The following LRRC7 variants were observed in gnomAD, a reference collection of about 807,000 sequenced individuals.
LRRC7 encodes the protein leucine-rich repeat-containing protein 7.
In LRRC7, 23 loss-of-function variants were observed where a neutral mutation model predicts 175.7. The observed-to-expected ratio is 0.13, with a 90% CI of 0.09 to 0.19. The LOEUF (loss-of-function observed/expected upper bound fraction) is 0.19. Among genes scored for constraint, LRRC7 ranks in the 10% least tolerant of loss-of-function variants. LRRC7 has a pLI of 1.00. For missense variants in LRRC7, 1,354 were observed against 1,904.7 expected, an observed-to-expected ratio of 0.71 and a Z score of 5.38; for synonymous variants, 685 against 680.9, an observed-to-expected ratio of 1.01 and a Z score of -0.09.
At chr1:69,668,442 A>T (rs1055774098) in intron 1 of LRRC7, among the ~76,000 whole-genome samples, 2 of 152,086 alleles carry the variant, frequency 1.3e-5, no homozygotes, top group Non-Finnish European at 2.9e-5. Flanking sequence ...GATGGTTTCC[A>T]GTTTCATCCA....
chr1:69,850,245 G>T (rs1682827467), intron 7 of LRRC7, among the ~76,000 whole-genome samples: 1 of 152,062 alleles, frequency 6.6e-6, no homozygotes. Context: ...ACTTGTGATG[G>T]CAGCAAGCTT....
rs376407652 is a variant in LRRC7 at position 70,075,791 on chromosome 1, C to T, written c.4231-286C>T. 2.0e-5 allele frequency among the ~76,000 whole-genome samples: 3 copies of T among 152,220 alleles called. No individual in the cohort carries two copies. In the East Asian group the frequency reaches 5.8e-4, roughly 29 times the overall value. On this transcript the variant is annotated intron_variant, in intron 23 of 26. Transcript: ENST00000651989. ...TTTAAGTTGCGACTTAATTTTCTTC[C>T]TGAGATTTTTCAAACTGAATTTTCT...
chr1:69,993,395 C>CT (rs1654624894), intron 10 of LRRC7, among the ~76,000 whole-genome samples: 1 of 152,138 alleles, frequency 6.6e-6, no homozygotes, highest in African/African-American at 2.4e-5. Context: ...GCAGCCACAG[C>CT]TTTATTTCAG....
Position 69,609,493 on chromosome 1 carries a change from G to A in LRRC7, c.2+40852G>A, listed in dbSNP as rs370218706. Reference sequence around the variant, plus strand: ...AAAGAAAAAAATAAAAATGACCACCGTTTATCAGAAATGAATACTGATGAC... The same window carrying A: ...AAAGAAAAAAATAAAAATGACCACCATTTATCAGAAATGAATACTGATGAC... On this transcript the variant is annotated intron_variant, in intron 1 of 26. Transcript: ENST00000651989. 9.8e-4 allele frequency among the ~76,000 whole-genome samples: 149 copies of A among 151,946 alleles called. 4 individuals are homozygous for A. In the South Asian group the frequency reaches 0.027, roughly 27 times the overall value.
rs199900217 is a variant in LRRC7, at chr1:69,623,343, G to A, written c.2+54702G>A. On this transcript the variant is annotated intron_variant, in intron 1 of 26. Transcript: ENST00000651989. Reference sequence around the variant, plus strand: ...TAGTCCTCCATGACTTGGAAATGGAGTGATTATCTATTGGCACAGAGAAAT... The same window carrying A: ...TAGTCCTCCATGACTTGGAAATGGAATGATTATCTATTGGCACAGAGAAAT... 2.6e-5 allele frequency among the ~76,000 whole-genome samples: 4 copies of A among 151,978 alleles called. No homozygotes were observed. The East Asian group carries it at 7.7e-4, about 29-fold the overall frequency.
At chr1:69,909,441 CAGG>C (rs1381848425) in intron 7 of LRRC7, among the ~76,000 whole-genome samples, 1 of 152,120 alleles carries the variant, frequency 6.6e-6, no homozygotes, top group African/African-American at 2.4e-5. Flanking sequence ...GTGCTTCCTT[CAGG>C]AGGTCTTTTA....
chr1:70,089,024 T>C (rs1009070944), intron 24 of LRRC7, among the ~76,000 whole-genome samples: 10 of 152,108 alleles, frequency 6.6e-5, no homozygotes, highest in African/African-American at 2.4e-4. Context: ...CCATTCTCTT[T>C]CCCTAGCAAT....
At chr1:69,750,016 A>G (rs11209532) in intron 2 of LRRC7, among the ~76,000 whole-genome samples, 108,853 of 151,054 alleles carry the variant, frequency 0.72, 39,598 homozygotes, top group East Asian at 0.92. Flanking sequence ...AGCTGAGATC[A>G]CGCCACTGCA....
intron 1 of LRRC7, among the ~76,000 whole-genome samples, chr1:69,594,440 C>T (rs1314107585): frequency 6.6e-6 from 1 of 152,114 alleles, no homozygotes; most frequent in African/African-American, 2.4e-5. Context: ...TAAGTATTCT[C>T]ATGTTTTCTT....
At chr1:70,069,303 G>A (rs1010108767) in intron 23 of LRRC7, among the ~76,000 whole-genome samples, 3 of 152,130 alleles carry the variant, frequency 2.0e-5, no homozygotes, top group Non-Finnish European at 2.9e-5. Context: ...GACAGAGTGA[G>A]TGCAAGCAGG....
At chr1:69,758,199 T>C (rs1188085796) in intron 2 of LRRC7, among the ~76,000 whole-genome samples, 1 of 151,996 alleles carries the variant, frequency 6.6e-6, no homozygotes, top group East Asian at 1.9e-4. Flanking sequence ...ATCAAGAATT[T>C]CAAGTAAGGT....
At chr1:69,988,646 G>T (rs576724725) in intron 10 of LRRC7, among the ~76,000 whole-genome samples, 1 of 152,132 alleles carries the variant, frequency 6.6e-6, no homozygotes, top group Non-Finnish European at 1.5e-5. Flanking sequence ...TGTGAAAAGG[G>T]ACTGAAAAAT....
At chr1:69,988,559 T>A (rs935211114) in intron 10 of LRRC7, among the ~76,000 whole-genome samples, 2 of 152,020 alleles carry the variant, frequency 1.3e-5, no homozygotes, top group African/African-American at 4.8e-5. Context: ...GTTCTTACCG[T>A]GAAATAAGAA....
intron 7 of LRRC7, among the ~76,000 whole-genome samples, chr1:69,845,706 A>C (rs751388723): frequency 1.3e-5 from 2 of 152,118 alleles, no homozygotes; most frequent in Admixed American, 6.6e-5. Flanking sequence ...CCTACTAGCT[A>C]TTTTAATGAA....
At chr1:69,843,220 A>G (rs1160377481) in intron 7 of LRRC7, among the ~76,000 whole-genome samples, 3 of 151,988 alleles carry the variant, frequency 2.0e-5, no homozygotes, top group Non-Finnish European at 2.9e-5. Flanking sequence ...ACAACAAAAA[A>G]AAAACCTAGT....
intron 2 of LRRC7, among the ~76,000 whole-genome samples, chr1:69,733,602 G>T (rs1456515610): frequency 1.3e-5 from 2 of 151,822 alleles, no homozygotes. Flanking sequence ...GTAAATTGGG[G>T]CCTCTCCTGT....
chr1:69,975,791 C>G (rs1261541012), intron 8 of LRRC7, among the ~76,000 whole-genome samples: 2 of 152,208 alleles, frequency 1.3e-5, no homozygotes. Flanking sequence ...CTGCAGTCTT[C>G]CCTCCAGTCT....
At chr1:69,826,595 A>G (rs991575818) in intron 5 of LRRC7, among the ~76,000 whole-genome samples, 1 of 152,116 alleles carries the variant, frequency 6.6e-6, no homozygotes, top group African/African-American at 2.4e-5. Context: ...CAGTTGTAAT[A>G]TTTAGAAGAG....
At chr1:69,817,854 T>C (rs536432727) in intron 4 of LRRC7, among the ~76,000 whole-genome samples, 1 of 152,164 alleles carries the variant, frequency 6.6e-6, no homozygotes, top group African/African-American at 2.4e-5. Flanking sequence ...CAGTTAAATT[T>C]ATTTCTAAGT....
Sources: allele counts gnomAD v4.1 joint callset (sites outside exome capture counted in the v4.1 genomes callset), GRCh38; gene constraint gnomAD v4.1.1; transcripts MANE v1.5; gene names NCBI Gene and HGNC (gene_info 2026-07-23, HGNC 2026-07-21).